THSD7B: variants seen among roughly 807,000 people sequenced by gnomAD.
THSD7B encodes thrombospondin type-1 domain-containing protein 7B.
In THSD7B, 138 loss-of-function variants were observed where a neutral mutation model predicts 213.6. That is an observed-to-expected ratio of 0.65 (90% CI 0.56 to 0.74). The LOEUF (loss-of-function observed/expected upper bound fraction) is 0.74, where lower values mean the gene tolerates loss of function less well. Ranked by LOEUF, THSD7B falls within the 30% of genes least tolerant of loss-of-function variation. The probability of loss-of-function intolerance (pLI) is 0.00; values close to 1 mark genes in which losing one functional copy is unlikely to be tolerated. For missense variants in THSD7B, 1,931 were observed against 1,991.5 expected, an observed-to-expected ratio of 0.97 and a Z score of 0.58; for synonymous variants, 742 against 687.0, an observed-to-expected ratio of 1.08 and a Z score of -1.25.
At chr2:137,071,433 G>A (rs1261288430) in intron 3 of THSD7B, among the ~76,000 whole-genome samples, 6 of 151,846 alleles carry the variant, frequency 4.0e-5, no homozygotes, top group Non-Finnish European at 8.8e-5. Context: ...ATTTGTTTGA[G>A]TTCATTGTAG....
intron 12 of THSD7B, among the ~76,000 whole-genome samples, chr2:137,311,055 G>T (rs1168134168): frequency 6.6e-6 from 1 of 150,898 alleles, no homozygotes; most frequent in African/African-American, 2.4e-5. Flanking sequence ...GTCATTGGTA[G>T]CTTGATGGGG....
chr2:136,864,634 G>C (rs1005167566), intron 1 of THSD7B, among the ~76,000 whole-genome samples: 5 of 151,772 alleles, frequency 3.3e-5, no homozygotes, highest in Admixed American at 2.0e-4. Flanking sequence ...CTCACTGCAA[G>C]CTCCACCTCC....
At chr2:137,492,171 C>T (rs1459017471) in intron 15 of THSD7B, among the ~76,000 whole-genome samples, 1 of 152,130 alleles carries the variant, frequency 6.6e-6, no homozygotes, top group Non-Finnish European at 1.5e-5. Context: ...AAATGAAACT[C>T]CATTTGCCTA....
intron 1 of THSD7B, among the ~76,000 whole-genome samples, chr2:136,863,636 G>A (rs1261524466): frequency 1.3e-5 from 2 of 152,212 alleles, no homozygotes; most frequent in Non-Finnish European, 2.9e-5. Context: ...AATTGGAGCT[G>A]AGAATATTGA....
chr2:137,372,918 A>G (rs543847598), intron 12 of THSD7B, among the ~76,000 whole-genome samples: 5 of 132,510 alleles, frequency 3.8e-5, no homozygotes, highest in South Asian at 2.3e-4. Flanking sequence ...TCATTGTTCA[A>G]TTCCCACCTA....
intron 3 of THSD7B, among the ~76,000 whole-genome samples, chr2:137,073,521 C>T (rs531130002): frequency 1.6e-4 from 25 of 152,022 alleles, no homozygotes; most frequent in African/African-American, 2.7e-4. Context: ...TTTTGTTGAT[C>T]GTTCAAAAAA....
At chr2:136,878,898 G>T (rs183369257) in intron 1 of THSD7B, among the ~76,000 whole-genome samples, 505 of 152,064 alleles carry the variant, frequency 3.3e-3, no homozygotes, top group Middle Eastern at 6.8e-3. Flanking sequence ...TTTCTTTTGC[G>T]GTGCAGCAGC....
At chr2:137,295,371 A>G (rs570737555) in intron 12 of THSD7B, among the ~76,000 whole-genome samples, 11 of 152,260 alleles carry the variant, frequency 7.2e-5, no homozygotes, top group South Asian at 4.2e-4. Context: ...TTTTCTTTAT[A>G]TGATTTCTAT....
At chr2:137,483,513 G>T (rs972932781) in intron 15 of THSD7B, among the ~76,000 whole-genome samples, 1 of 152,164 alleles carries the variant, frequency 6.6e-6, no homozygotes, top group African/African-American at 2.4e-5. Flanking sequence ...AGTTAAAATG[G>T]CCTAACTCTT....
At chr2:137,129,778 C>T (rs1688695321) in intron 5 of THSD7B, among the ~76,000 whole-genome samples, 1 of 152,166 alleles carries the variant, frequency 6.6e-6, no homozygotes, top group Admixed American at 6.5e-5. Context: ...ACAGTCATTT[C>T]TTAATACCAT....
At chr2:137,422,207 C>G (rs543611897) in intron 14 of THSD7B, among the ~76,000 whole-genome samples, 1 of 152,196 alleles carries the variant, frequency 6.6e-6, no homozygotes, top group East Asian at 1.9e-4. Context: ...AACTATTGGG[C>G]AAAATATTGT....
At chr2:137,245,877 A>C (rs1181928446) in intron 10 of THSD7B, among the ~76,000 whole-genome samples, 1 of 152,114 alleles carries the variant, frequency 6.6e-6, no homozygotes, top group Non-Finnish European at 1.5e-5. Context: ...TTGAATGTGC[A>C]TACAAGTCCC....
chr2:137,383,447 G>A (rs1685824105), intron 12 of THSD7B, among the ~76,000 whole-genome samples: 1 of 152,134 alleles, frequency 6.6e-6, no homozygotes, highest in Admixed American at 6.5e-5. Flanking sequence ...AGACCTGTGT[G>A]TCCAAGACCT....
chr2:137,181,853 C>A (rs1343876357), intron 7 of THSD7B, among the ~76,000 whole-genome samples: 1 of 152,020 alleles, frequency 6.6e-6, no homozygotes, highest in African/African-American at 2.4e-5. Context: ...AAACCACAGG[C>A]AAGGAGATGT....
chr2:137,433,099 A>G (rs1687219342), intron 14 of THSD7B, among the ~76,000 whole-genome samples: 1 of 152,328 alleles, frequency 6.6e-6, no homozygotes, highest in Admixed American at 6.5e-5. Context: ...GAAGATATTA[A>G]GAAAGTATAT....
intron 7 of THSD7B, among the ~76,000 whole-genome samples, chr2:137,206,361 A>T (rs953821317): frequency 6.6e-6 from 1 of 152,102 alleles, no homozygotes; most frequent in African/African-American, 2.4e-5. Flanking sequence ...CAACAGTATG[A>T]TTAATGAGGA....
At chr2:136,880,925 C>G (rs75095013) in intron 1 of THSD7B, among the ~76,000 whole-genome samples, 2,504 of 152,280 alleles carry the variant, frequency 0.016, 35 homozygotes, top group Middle Eastern at 0.02. Flanking sequence ...CCAAATCCCT[C>G]ATATGCCATT....
In THSD7B at chr2:137,303,001, TTA is replaced by T. The variant is rs1443325831; in HGVS notation, c.2500+26977_2500+26978del. Among the ~76,000 whole-genome samples, 25 of 152,184 alleles carry T rather than the reference TTA, an allele frequency of 1.6e-4. No homozygotes were observed. In the Middle Eastern group the frequency reaches 0.01, roughly 63 times the overall value. On this transcript the variant is annotated intron_variant, in intron 12 of 27. Coordinates refer to ENST00000409968, the MANE Select transcript of THSD7B (RefSeq NM_001316349.2). ...CATAGAGACACACAGAGGCACTTCT[TTA>T]TTTTATTATTTTTGAAACGAGGGTC...
At chr2:137,219,102 A>G (rs1434533341) in intron 7 of THSD7B, among the ~76,000 whole-genome samples, 1 of 152,078 alleles carries the variant, frequency 6.6e-6, no homozygotes, top group Non-Finnish European at 1.5e-5. Flanking sequence ...CAAACTTTCA[A>G]TGTAGTTATG....
Sources: allele counts gnomAD v4.1 joint callset (sites outside exome capture counted in the v4.1 genomes callset), GRCh38; gene constraint gnomAD v4.1.1; transcripts MANE v1.5; gene names NCBI Gene and HGNC (gene_info 2026-07-23, HGNC 2026-07-21).